Variants in DIPK1A observed in about 807,000 individuals in gnomAD.
The protein encoded by DIPK1A is divergent protein kinase domain 1A, also known as family with sequence similarity 69 member A.
Under a neutral mutation model 40.8 loss-of-function variants are expected in DIPK1A, and 27 were observed. The observed-to-expected ratio is 0.66, with a 90% CI of 0.49 to 0.91. The LOEUF (loss-of-function observed/expected upper bound fraction) is 0.91, where lower values mean the gene tolerates loss of function less well. Among genes scored for constraint, DIPK1A ranks in the 40% least tolerant of loss-of-function variants. DIPK1A has a pLI of 0.00. For missense variants in DIPK1A, 412 were observed against 505.7 expected (o/e 0.81, Z 1.78); for synonymous variants, 166 against 171.3 (o/e 0.97, Z 0.24).
intron 1 of DIPK1A, among the ~76,000 whole-genome samples, chr1:92,948,652 C>T (rs1027550746): frequency 1.1e-4 from 16 of 141,748 alleles, no homozygotes; most frequent in East Asian, 4.0e-4. Context: ...AATATATATA[C>T]GTATATATAC....
downstream of DIPK1A, chr1:92,841,938 C>G: frequency 8.1e-7 from 1 of 1,237,628 alleles, no homozygotes; most frequent in Non-Finnish European, 1.2e-6. Flanking sequence ...CTGTGTTAAG[C>G]TCTTATTCTT....
chr1:92,874,521 G>A (rs965199943), intron 2 of DIPK1A, among the ~76,000 whole-genome samples: 3 of 152,124 alleles, frequency 2.0e-5, no homozygotes, highest in Non-Finnish European at 4.4e-5. Flanking sequence ...TCTGACCAGG[G>A]ACATATTTTA....
chr1:92,888,363 A>G (rs892860333), intron 1 of DIPK1A, among the ~76,000 whole-genome samples: 1 of 152,126 alleles, frequency 6.6e-6, no homozygotes, highest in Non-Finnish European at 1.5e-5. Flanking sequence ...TGAATGGCAA[A>G]ATTTCATTGC....
At chr1:92,837,862 T>C (rs562730320), downstream of DIPK1A, 113 of 541,104 alleles carry the variant, frequency 2.1e-4, no homozygotes, top group Middle Eastern at 5.2e-4. Flanking sequence ...GTAGATGTCA[T>C]TTCTGTAATC....
intron 2 of DIPK1A, among the ~76,000 whole-genome samples, chr1:92,866,010 G>A (rs769559445): frequency 7.2e-5 from 11 of 152,198 alleles, no homozygotes; most frequent in Non-Finnish European, 1.3e-4. Context: ...AACCAAGGCT[G>A]TGGTTCAGTG....
chr1:92,918,880 A>G (rs536501196), intron 1 of DIPK1A, among the ~76,000 whole-genome samples: 1 of 152,298 alleles, frequency 6.6e-6, no homozygotes, highest in East Asian at 1.9e-4. Context: ...GATCCCTCGC[A>G]TGTGCAGTTC....
At chr1:92,899,789 G>C (rs1649333657) in intron 1 of DIPK1A, among the ~76,000 whole-genome samples, 1 of 152,124 alleles carries the variant, frequency 6.6e-6, no homozygotes, top group African/African-American at 2.4e-5. Context: ...CCAGAGATAA[G>C]ACTTCCTTAA....
chr1:92,889,418 T>C (rs564389160), intron 1 of DIPK1A, among the ~76,000 whole-genome samples: 14 of 152,332 alleles, frequency 9.2e-5, no homozygotes, highest in African/African-American at 3.4e-4. Context: ...TATTTCGAAA[T>C]CTGGTAGTGT....
rs1557449955 is a variant in DIPK1A at position 92,846,846 on chromosome 1, T to TATATATATATATACAC, written c.474+336_474+337insGTGTATATATATATAT. 5.5e-3 allele frequency among the ~76,000 whole-genome samples: 7 copies of TATATATATATATACAC among 1,282 alleles called. 2 individuals carry two copies. Among genetic ancestry groups the TATATATATATATACAC allele is most frequent in the African/African-American group, 0.036 (6 of 168 alleles). The allele number at this position is 1,282 out of a possible 152,430, so 0.8% of individuals were successfully genotyped here. ...ATATATATATATATATATATATGTG[T>TATATATATATATACAC]GTATATATATATGTGTGTATATATA... On this transcript the variant is annotated intron_variant, in intron 4 of 4. Coordinates refer to ENST00000370310, the MANE Select transcript of DIPK1A (RefSeq NM_001006605.5).
chr1:92,846,529 C>T (rs1687606767), intron 4 of DIPK1A: 2 of 391,850 alleles, frequency 5.1e-6, no homozygotes, highest in Admixed American at 2.9e-5. Context: ...TCAAACTGTA[C>T]AGCACTCCAA....
At chr1:92,864,870 T>C (rs988603130) in intron 2 of DIPK1A, among the ~76,000 whole-genome samples, 9 of 151,848 alleles carry the variant, frequency 5.9e-5, no homozygotes, top group Non-Finnish European at 1.3e-4. Flanking sequence ...CAAAATCCTG[T>C]CTCTACTAAA....
intron 1 of DIPK1A, among the ~76,000 whole-genome samples, chr1:92,897,282 T>A (rs1220353203): frequency 2.6e-5 from 4 of 152,054 alleles, no homozygotes; most frequent in Non-Finnish European, 5.9e-5. Context: ...TAGACTGGAT[T>A]AAGAAAATGT....
chr1:92,901,556 G>T (rs142840918), intron 1 of DIPK1A, among the ~76,000 whole-genome samples: 1 of 152,152 alleles, frequency 6.6e-6, no homozygotes, highest in Non-Finnish European at 1.5e-5. Context: ...GTGCTTTGGA[G>T]ATTTGGGGTT....
chr1:92,876,204 T>C (rs111257855), intron 2 of DIPK1A, 92 bp downstream of exon 2: 24 of 835,590 alleles, frequency 2.9e-5, no homozygotes, highest in African/African-American at 2.7e-4. Flanking sequence ...AAATTAACTT[T>C]TATTTTTAAA....
At position 92,892,587 on chromosome 1, in the gene DIPK1A, A is replaced by T. The variant is rs558567435; in HGVS notation, c.55-16157T>A. Among the ~76,000 whole-genome samples the T allele has an allele frequency of 4.0e-4, 61 of 152,248 alleles. 2 individuals are homozygous for T. Among genetic ancestry groups the T allele is most frequent in the African/African-American group, 1.4e-3 (57 of 41,482 alleles). On this transcript the variant is annotated intron_variant, in intron 1 of 4. Coordinates refer to ENST00000370310, the MANE Select transcript of DIPK1A (RefSeq NM_001006605.5). ...AGAAAAACTGAAAATTCTAAAAAGCAGAGTGCCTCTCCTTCTCCAAAGGAA... is the reference window on the plus strand; with the variant it reads ...AGAAAAACTGAAAATTCTAAAAAGCTGAGTGCCTCTCCTTCTCCAAAGGAA...
intron 2 of DIPK1A, among the ~76,000 whole-genome samples, chr1:92,874,371 G>T (rs1648019573): frequency 6.6e-6 from 1 of 152,160 alleles, no homozygotes; most frequent in Non-Finnish European, 1.5e-5. Context: ...GGAGGGCTGT[G>T]GTGGGGATAT....
At chr1:92,945,448 T>G (rs1348967891) in intron 1 of DIPK1A, among the ~76,000 whole-genome samples, 1 of 152,128 alleles carries the variant, frequency 6.6e-6, no homozygotes, top group African/African-American at 2.4e-5. Flanking sequence ...CCAGGGTCAT[T>G]ACCCTGGCCC....
chr1:92,948,369 T>C (rs143581543), intron 1 of DIPK1A, among the ~76,000 whole-genome samples: 89 of 152,204 alleles, frequency 5.8e-4, no homozygotes, highest in Non-Finnish European at 8.5e-4. Flanking sequence ...TATTGAAATA[T>C]CACATTGTAC....
At chr1:92,933,824 T>C (rs1650849354) in intron 1 of DIPK1A, 1 of 152,198 alleles carries the variant, frequency 6.6e-6, no homozygotes, top group African/African-American at 2.4e-5. Flanking sequence ...TGCTTGACAG[T>C]ATTGAGACTT....
Sources: gnomAD v4.1 joint callset for allele counts (sites outside exome capture counted in the v4.1 genomes callset) on GRCh38, gnomAD v4.1.1 for gene constraint, MANE v1.5 for transcripts, NCBI Gene and HGNC (gene_info 2026-07-23, HGNC 2026-07-21) for gene names.